The following DCDC2C variants were observed in gnomAD, a reference collection of about 807,000 sequenced individuals.
The protein encoded by DCDC2C is doublecortin domain-containing protein 2C.
In DCDC2C, 44 loss-of-function variants were observed where a neutral mutation model predicts 45.0. The ratio of observed to expected loss-of-function variants is 0.98; its 90% CI spans 0.77 to 1.26. DCDC2C has a LOEUF of 1.26. Ranked by LOEUF, DCDC2C falls within the 50% of genes most tolerant of loss-of-function variation. The probability of loss-of-function intolerance (pLI) is 0.00; values close to 1 mark genes in which losing one functional copy is unlikely to be tolerated. For synonymous variants in DCDC2C, 187 were observed against 178.8 expected (o/e 1.05, Z -0.37); for missense variants, 447 against 468.9 (o/e 0.95, Z 0.43).
intron 4 of DCDC2C, among the ~76,000 whole-genome samples, chr2:3,748,733 C>T (rs1275433850): frequency 2.0e-5 from 3 of 152,104 alleles, no homozygotes; most frequent in Non-Finnish European, 4.4e-5. Flanking sequence ...GAGTTCTGGG[C>T]TCAGCTTCCT....
In DCDC2C at chr2:3,847,270, A is replaced by G. The variant is rs1175234775; in HGVS notation, c.*87A>G. The G allele has an allele frequency of 2.1e-6, 2 of 968,828 alleles. No homozygotes were observed. The highest frequency in any genetic ancestry group is 3.7e-4 in the Middle Eastern group (1 of 2,718). 60.0% of individuals were successfully genotyped at this position (968,828 alleles called of 1,614,324 possible). On this transcript the variant is annotated 3_prime_UTR_variant, in exon 11 of 11. Coordinates refer to ENST00000399143, the MANE Select transcript of DCDC2C (RefSeq NM_001287444.2). Reference sequence around the variant, plus strand: ...CATATGGACATTTTAACAGCAAGAAAATCACATGTGGGGTGAAACTAAAGC... The same window carrying G: ...CATATGGACATTTTAACAGCAAGAAGATCACATGTGGGGTGAAACTAAAGC...
intron 3 of DCDC2C, among the ~76,000 whole-genome samples, chr2:3,732,366 A>G (rs1668896701): frequency 6.6e-6 from 1 of 151,974 alleles, no homozygotes; most frequent in African/African-American, 2.4e-5. Flanking sequence ...CTGTCAATGG[A>G]ACTGTGGTTT....
intron 6 of DCDC2C, among the ~76,000 whole-genome samples, chr2:3,762,130 T>A (rs1176021661): frequency 6.6e-6 from 1 of 151,508 alleles, no homozygotes; most frequent in Non-Finnish European, 1.5e-5. Flanking sequence ...AAGCCATGGA[T>A]TCCTGCTTGA....
rs570453818 is a variant in DCDC2C at position 3,763,826 on chromosome 2, C to T, written c.727-3928C>T. ...ATGTGTTTCTTTCTGCTGCGTTCTC[C>T]GGGGTAGAACTGTGCTCTTTAGTCA... On this transcript the variant is annotated intron_variant, in intron 6 of 10. Coordinates refer to ENST00000399143, the MANE Select transcript of DCDC2C (RefSeq NM_001287444.2). 1.3e-4 allele frequency among the ~76,000 whole-genome samples: 20 copies of T among 152,256 alleles called. No homozygotes were observed. In the East Asian group the frequency reaches 2.9e-3, roughly 22 times the overall value.
intron 4 of DCDC2C, among the ~76,000 whole-genome samples, chr2:3,749,233 A>G (rs1351869547): frequency 9.9e-5 from 15 of 152,232 alleles, no homozygotes; most frequent in Admixed American, 9.8e-4. Context: ...AATTTTGCAA[A>G]TGGCCGTTGC....
intron 2 of DCDC2C, among the ~76,000 whole-genome samples, chr2:3,718,958 T>C (rs759408697): frequency 2.3e-4 from 35 of 152,196 alleles, no homozygotes; most frequent in Non-Finnish European, 3.5e-4. Context: ...GAGCGCTGAT[T>C]GGTGCATTTT....
At chr2:3,836,689 T>C (rs1223619634) in intron 10 of DCDC2C, among the ~76,000 whole-genome samples, 3 of 152,102 alleles carry the variant, frequency 2.0e-5, no homozygotes, top group Admixed American at 6.5e-5. Context: ...GGTGAAACCC[T>C]GTCTTGACTA....
chr2:3,833,824 G>A lies in DCDC2C; in HGVS notation c.1066-13330G>A, dbSNP rs1019584125. The stretch of plus-strand genomic sequence containing the variant: ...TTGCAGAAGAGAGCTGAGGTTAGAT[G>A]TTCAGAAGCTCTTTCCTATCATAAG... On this transcript the variant is annotated intron_variant, in intron 10 of 10. Transcript: ENST00000399143. Among the ~76,000 whole-genome samples, 4 of 152,218 alleles carry A rather than the reference G, an allele frequency of 2.6e-5. No homozygotes were observed. In the East Asian group the frequency reaches 5.8e-4, roughly 22 times the overall value.
intron 2 of DCDC2C, among the ~76,000 whole-genome samples, chr2:3,712,361 C>A (rs148567322): frequency 2.8e-3 from 431 of 152,162 alleles, no homozygotes; most frequent in Middle Eastern, 0.01. Flanking sequence ...CAGTATAATA[C>A]CTAACGAACT....
At chr2:3,781,718 A>C (rs1054850576) in intron 9 of DCDC2C, among the ~76,000 whole-genome samples, 2 of 152,134 alleles carry the variant, frequency 1.3e-5, no homozygotes, top group African/African-American at 4.8e-5. Flanking sequence ...GAAATAAAAA[A>C]AGGTAGCCAG....
chr2:3,765,148 A>G (rs752999866), intron 6 of DCDC2C, among the ~76,000 whole-genome samples: 2 of 152,238 alleles, frequency 1.3e-5, no homozygotes, highest in Non-Finnish European at 2.9e-5. Flanking sequence ...ATCTGTGTCT[A>G]TCAATGCCCT....
intron 10 of DCDC2C, among the ~76,000 whole-genome samples, chr2:3,806,018 T>G (rs547070006): frequency 8.0e-4 from 121 of 151,878 alleles, no homozygotes; most frequent in Non-Finnish European, 1.4e-3. Flanking sequence ...TTTTGTTTTG[T>G]AGGGATTAGG....
chr2:3,726,294 C>T (rs1423151149), intron 2 of DCDC2C, among the ~76,000 whole-genome samples: 1 of 152,048 alleles, frequency 6.6e-6, no homozygotes, highest in Non-Finnish European at 1.5e-5. Flanking sequence ...TGTCACTCAG[C>T]ACAGGGTTGG....
intron 2 of DCDC2C, among the ~76,000 whole-genome samples, chr2:3,725,004 G>A (rs371699452): frequency 4.6e-5 from 7 of 152,166 alleles, no homozygotes; most frequent in African/African-American, 1.7e-4. Flanking sequence ...AGAGGGGGCT[G>A]CAGCTTGGAG....
chr2:3,823,027 C>G (rs552237709), intron 10 of DCDC2C, among the ~76,000 whole-genome samples: 1 of 152,282 alleles, frequency 6.6e-6, no homozygotes, highest in East Asian at 1.9e-4. Context: ...GAGGCTTACC[C>G]AGGCACATGG....
At chr2:3,739,675 G>C (rs1282297700) in intron 3 of DCDC2C, among the ~76,000 whole-genome samples, 1 of 152,228 alleles carries the variant, frequency 6.6e-6, no homozygotes, top group African/African-American at 2.4e-5. Flanking sequence ...TGAGAGCTAC[G>C]TCCACTCAAT....
rs1446160184 is a variant in DCDC2C at position 3,737,775 on chromosome 2, C to CG, written c.417-4144dup. ...GTGCTGAGGAAATGGCAGCTGTCAT[C>CG]GCCAACCCACCTGACCAAAACCCAT... On this transcript the variant is annotated intron_variant, in intron 3 of 10. Transcript: ENST00000399143. Among the ~76,000 whole-genome samples the CG allele has an allele frequency of 3.3e-5, 5 of 152,330 alleles. No individual in the cohort carries two copies. The East Asian group carries it at 9.7e-4, about 29-fold the overall frequency.
chr2:3,725,681 C>A, intron 2 of DCDC2C, among the ~76,000 whole-genome samples: 4 of 130,304 alleles, frequency 3.1e-5, no homozygotes, highest in Non-Finnish European at 5.1e-5. Context: ...AGTGAGGAGG[C>A]TGCCAGGTGG....
chr2:3,731,445 C>A (rs1401716338), intron 3 of DCDC2C, among the ~76,000 whole-genome samples: 1 of 152,214 alleles, frequency 6.6e-6, no homozygotes, highest in Non-Finnish European at 1.5e-5. Context: ...ACAATAATGA[C>A]CCTTCTGAGC....
Sources: gnomAD v4.1 joint callset for allele counts (sites outside exome capture counted in the v4.1 genomes callset) on GRCh38, gnomAD v4.1.1 for gene constraint, MANE v1.5 for transcripts, NCBI Gene and HGNC (gene_info 2026-07-23, HGNC 2026-07-21) for gene names.